EXT1: variants seen among roughly 807,000 people sequenced by gnomAD.
EXT1 encodes exostosin-1.
Under a neutral mutation model 82.5 loss-of-function variants are expected in EXT1, and 20 were observed. That is an observed-to-expected ratio of 0.24 (90% CI 0.17 to 0.35). The LOEUF (loss-of-function observed/expected upper bound fraction) is 0.35. EXT1 is among the 10% of genes least tolerant of loss of function. EXT1 has a pLI of 1.00. For synonymous variants in EXT1, 348 were observed against 350.8 expected (o/e 0.99, Z 0.09); for missense variants, 757 against 936.5 (o/e 0.81, Z 2.50).
intron 10 of EXT1, 144 bp from the exon 11 acceptor site, chr8:117,800,041 T>C: frequency 2.6e-6 from 2 of 768,648 alleles, no homozygotes; most frequent in South Asian, 3.4e-5. Flanking sequence ...TCTATGCACC[T>C]GCTGAAAATG....
At chr8:117,847,561 T>G (rs1298704998) in intron 1 of EXT1, among the ~76,000 whole-genome samples, 2 of 152,168 alleles carry the variant, frequency 1.3e-5, no homozygotes, top group African/African-American at 4.8e-5. Flanking sequence ...CTGGCCTTCC[T>G]CCATGTCTGA....
intron 1 of EXT1, among the ~76,000 whole-genome samples, chr8:117,994,977 A>C (rs535296700): frequency 1.3e-5 from 2 of 152,330 alleles, no homozygotes; most frequent in African/African-American, 4.8e-5. Flanking sequence ...ACAGGTCCAA[A>C]AAATGCTATA....
At chr8:117,871,945 C>T (rs1156848661) in intron 1 of EXT1, among the ~76,000 whole-genome samples, 1 of 151,914 alleles carries the variant, frequency 6.6e-6, no homozygotes, top group African/African-American at 2.4e-5. Flanking sequence ...GGCAACATAG[C>T]GAGACCTTGT....
intron 1 of EXT1, among the ~76,000 whole-genome samples, chr8:118,052,016 G>A (rs1192763327): frequency 1.3e-5 from 2 of 152,200 alleles, no homozygotes; most frequent in Admixed American, 1.3e-4. Context: ...ACCTTTGAGA[G>A]TAACAGATGA....
At chr8:117,990,035 T>G (rs1815401397) in intron 1 of EXT1, among the ~76,000 whole-genome samples, 1 of 152,060 alleles carries the variant, frequency 6.6e-6, no homozygotes, top group Non-Finnish European at 1.5e-5. Context: ...TAGCTGGGTG[T>G]GGTGGTATGA....
chr8:117,925,490 T>A (rs903488427), intron 1 of EXT1, among the ~76,000 whole-genome samples: 176 of 152,070 alleles, frequency 1.2e-3, no homozygotes, highest in African/African-American at 4.0e-3. Flanking sequence ...TGCTATCACC[T>A]CACAGCACTT....
chr8:117,898,706 GA>G (rs916946977), intron 1 of EXT1, among the ~76,000 whole-genome samples: 4 of 148,280 alleles, frequency 2.7e-5, no homozygotes, highest in Non-Finnish European at 4.5e-5. Flanking sequence ...AGGATGTAAG[GA>G]AAAAAAAACA....
intron 2 of EXT1, among the ~76,000 whole-genome samples, chr8:117,836,691 C>T (rs1048755698): frequency 2.6e-5 from 4 of 152,122 alleles, no homozygotes; most frequent in African/African-American, 9.7e-5. Flanking sequence ...TGAGTAGTAC[C>T]ACCATGCTGG....
intron 1 of EXT1, among the ~76,000 whole-genome samples, chr8:117,955,334 G>C (rs1385328972): frequency 2.6e-5 from 4 of 152,172 alleles, no homozygotes; most frequent in Non-Finnish European, 4.4e-5. Flanking sequence ...CTGGAGAATA[G>C]GGGTAGGGTG....
intron 10 of EXT1, among the ~76,000 whole-genome samples, chr8:117,804,196 G>A (rs941014923): frequency 3.3e-5 from 5 of 152,148 alleles, no homozygotes; most frequent in Non-Finnish European, 7.3e-5. Context: ...TAGGTCATGA[G>A]GGTGGAGTCC....
At chr8:117,944,455 T>C (rs1053474317) in intron 1 of EXT1, among the ~76,000 whole-genome samples, 1 of 152,244 alleles carries the variant, frequency 6.6e-6, no homozygotes, top group Non-Finnish European at 1.5e-5. Flanking sequence ...ATTGTCTCAG[T>C]GCTCCATTAA....
chr8:117,839,739 C>T (rs1196111558), intron 1 of EXT1, among the ~76,000 whole-genome samples: 2 of 152,196 alleles, frequency 1.3e-5, no homozygotes, highest in Non-Finnish European at 2.9e-5. Context: ...TCCTACTCAG[C>T]CCATTGTGAT....
At chr8:117,911,200 A>C (rs1813641011) in intron 1 of EXT1, among the ~76,000 whole-genome samples, 1 of 152,178 alleles carries the variant, frequency 6.6e-6, no homozygotes, top group African/African-American at 2.4e-5. Context: ...TTGATAATTA[A>C]ATTTCCCCAG....
At chr8:117,842,290 A>C (rs1201642576) in intron 1 of EXT1, among the ~76,000 whole-genome samples, 1 of 152,152 alleles carries the variant, frequency 6.6e-6, no homozygotes, top group East Asian at 1.9e-4. Context: ...GATAATACTT[A>C]TACTGTGAGG....
At chr8:117,861,475 C>T (rs1006765219) in intron 1 of EXT1, among the ~76,000 whole-genome samples, 16 of 148,788 alleles carry the variant, frequency 1.1e-4, no homozygotes, top group Admixed American at 4.7e-4. Context: ...CATTTGCTCC[C>T]TGAAGTTTTT....
intron 1 of EXT1, among the ~76,000 whole-genome samples, chr8:118,106,071 C>A (rs1285038885): frequency 6.6e-6 from 1 of 152,182 alleles, no homozygotes. Context: ...AATGTAAACT[C>A]CCAGAGCAAG....
At chr8:118,044,944 CTAA>C (rs1816598416) in intron 1 of EXT1, among the ~76,000 whole-genome samples, 1 of 152,182 alleles carries the variant, frequency 6.6e-6, no homozygotes, top group Non-Finnish European at 1.5e-5. Flanking sequence ...TGTGCAAAAC[CTAA>C]AGCATTTACT....
At chr8:118,016,873 C>T (rs184509157) in intron 1 of EXT1, among the ~76,000 whole-genome samples, 244 of 152,332 alleles carry the variant, frequency 1.6e-3, no homozygotes, top group African/African-American at 5.5e-3. Context: ...CTGGAACAGA[C>T]ACAAGCAGCC....
chr8:118,004,433 A>G (rs1306735220), intron 1 of EXT1, among the ~76,000 whole-genome samples: 1 of 152,248 alleles, frequency 6.6e-6, no homozygotes, highest in Non-Finnish European at 1.5e-5. Flanking sequence ...ATGGACAAAT[A>G]CAGGCAAGAA....
Sources: allele counts gnomAD v4.1 joint callset (sites outside exome capture counted in the v4.1 genomes callset), GRCh38; gene constraint gnomAD v4.1.1; transcripts MANE v1.5; gene names NCBI Gene and HGNC (gene_info 2026-07-23, HGNC 2026-07-21).